ZBTB25: variants seen among roughly 807,000 people sequenced by gnomAD.
ZBTB25 encodes zinc finger and BTB domain containing 25.
ZBTB25 carries 20 observed loss-of-function variants against 34.2 expected under a neutral mutation model. That is an observed-to-expected ratio of 0.58 (90% CI 0.41 to 0.85). ZBTB25 has a LOEUF of 0.85. ZBTB25 is among the 40% of genes least tolerant of loss of function. The pLI is 0.00. For synonymous variants in ZBTB25, 175 were observed against 186.4 expected, an observed-to-expected ratio of 0.94 and a Z score of 0.50; for missense variants, 437 against 521.8, an observed-to-expected ratio of 0.84 and a Z score of 1.58.
In ZBTB25 at chr14:64,486,171, G is replaced by T; in HGVS notation, c.*752C>A. 4.5e-6 allele frequency: 3 copies of T among 670,588 alleles called. No individual in the cohort carries two copies. Among genetic ancestry groups the T allele is most frequent in the Non-Finnish European group, 3.7e-6 (2 of 543,188 alleles). 41.5% of individuals were successfully genotyped at this position (670,588 alleles called of 1,614,324 possible). On this transcript the variant is annotated 3_prime_UTR_variant, in exon 3 of 3. Coordinates refer to ENST00000608382, the MANE Select transcript of ZBTB25 (RefSeq NM_006977.5). ...AAAAAAATTAGCTGGGCGTGGTGGC[G>T]GGCGCCTGTAGTCCCAGCTGCTCAG...
At chr14:64,499,003 G>T (rs929367496) in intron 1 of ZBTB25, among the ~76,000 whole-genome samples, 1 of 152,136 alleles carries the variant, frequency 6.6e-6, no homozygotes, top group Non-Finnish European at 1.5e-5. Flanking sequence ...CACTGCCTCA[G>T]AAGAACACGG....
At chr14:64,497,269 C>G (rs2079310987) in intron 1 of ZBTB25, among the ~76,000 whole-genome samples, 1 of 152,104 alleles carries the variant, frequency 6.6e-6, no homozygotes, top group African/African-American at 2.4e-5. Context: ...AAATCAATAG[C>G]CCCATTCCAT....
intron 1 of ZBTB25, among the ~76,000 whole-genome samples, chr14:64,495,930 G>A (rs560161150): frequency 2.0e-5 from 3 of 151,526 alleles, no homozygotes; most frequent in African/African-American, 7.3e-5. Context: ...ACTCCAACCT[G>A]GGCAACAAGA....
chr14:64,450,156 G>C (rs1281457136), intron 2 of ZBTB25, among the ~76,000 whole-genome samples: 1 of 152,238 alleles, frequency 6.6e-6, no homozygotes, highest in Non-Finnish European at 1.5e-5. Context: ...GAATACCCCA[G>C]GGTGGAGGGG....
rs773742158 is a variant in ZBTB25 at position 64,485,948 on chromosome 14, G to A, written c.*975C>T. 4 of 984,708 alleles carry A rather than the reference G, an allele frequency of 4.1e-6. No homozygotes were observed. The highest frequency in any genetic ancestry group is 6.2e-5 in the Admixed American group (1 of 16,258). 61.0% of individuals were successfully genotyped at this position (984,708 alleles called of 1,614,324 possible). A position where few individuals can be genotyped will look rare whatever the true frequency, so the allele number is the denominator to read the frequency against. On this transcript the variant is annotated 3_prime_UTR_variant, in exon 3 of 3. Transcript: ENST00000608382. Reference sequence around the variant, plus strand: ...TCTGCATGCTTATTTATCTATGTGTGTATATCTTACTGTTTCTTAAATATT... The same window carrying A: ...TCTGCATGCTTATTTATCTATGTGTATATATCTTACTGTTTCTTAAATATT...
intron 2 of ZBTB25, chr14:64,458,397 C>T: frequency 1.1e-6 from 1 of 881,774 alleles, no homozygotes. Context: ...TAAAAATTCA[C>T]ATTCTAATGC....
chr14:64,496,155 TA>T (rs1374963150), intron 1 of ZBTB25, among the ~76,000 whole-genome samples: 2 of 152,086 alleles, frequency 1.3e-5, no homozygotes, highest in African/African-American at 4.8e-5. Flanking sequence ...TCAGCAGTTC[TA>T]AAAAGCTGTG....
rs112758987 is a variant in ZBTB25, at chr14:64,498,881, G to A, written c.-8+4780C>T. On this transcript the variant is annotated intron_variant, in intron 1 of 2. Transcript: ENST00000608382. ...GATTTCCTGACCTCATGATCCACCC[G>A]CCTCGGCCTCCCAAAGTGCTGTGAT... 1.5e-4 allele frequency among the ~76,000 whole-genome samples: 23 copies of A among 152,054 alleles called. 1 individual carries two copies. The highest frequency in any genetic ancestry group is 4.8e-4 in the African/African-American group (20 of 41,482).
At chr14:64,463,627 C>CAAAA (rs199975542) in intron 2 of ZBTB25, among the ~76,000 whole-genome samples, 1 of 123,468 alleles carries the variant, frequency 8.1e-6, no homozygotes, top group Non-Finnish European at 1.7e-5. Flanking sequence ...GCCATCTCTA[C>CAAAA]AAAAAAAAAA....
Position 64,479,899 on chromosome 14 carries a change from T to TTC in ZBTB25, c.*7022_*7023dup, listed in dbSNP as rs908637442. On this transcript the variant is annotated 3_prime_UTR_variant, in exon 3 of 3. Transcript: ENST00000608382. Reference sequence around the variant, plus strand: ...TATTCCTTATAATCAATCAATCTCTTTCTCTCTCTCAGTTCTACCTGTTGT... The same window carrying TTC: ...TATTCCTTATAATCAATCAATCTCTTTCTCTCTCTCTCAGTTCTACCTGTTGT... The TTC allele has an allele frequency of 5.9e-5, 9 of 152,598 alleles. No homozygotes were observed. The highest frequency in any genetic ancestry group is 1.9e-4 in the African/African-American group (8 of 41,576). 9.5% of individuals were successfully genotyped at this position (152,598 alleles called of 1,614,324 possible). A position where few individuals can be genotyped will look rare whatever the true frequency, so the allele number is the denominator to read the frequency against.
chr14:64,463,884 C>T (rs2078582883), intron 2 of ZBTB25, among the ~76,000 whole-genome samples: 2 of 152,134 alleles, frequency 1.3e-5, no homozygotes, highest in Admixed American at 1.3e-4. Flanking sequence ...AACCTTGGAT[C>T]TCAATAAGGA....
At chr14:64,489,401 A>T (rs1322627646) in intron 2 of ZBTB25, among the ~76,000 whole-genome samples, 1 of 152,236 alleles carries the variant, frequency 6.6e-6, no homozygotes, top group Non-Finnish European at 1.5e-5. Context: ...ATAATCCTGC[A>T]TGGGCATGTT....
intron 1 of ZBTB25, among the ~76,000 whole-genome samples, chr14:64,500,236 C>T (rs1468194508): frequency 6.6e-6 from 1 of 151,960 alleles, no homozygotes; most frequent in Non-Finnish European, 1.5e-5. Flanking sequence ...GTAACTAAAA[C>T]TTCTGGATAC....
chr14:64,482,629 T>C lies in ZBTB25; in HGVS notation c.*4294A>G, dbSNP rs1311333603. 1 of 152,212 alleles carries C rather than the reference T, an allele frequency of 6.6e-6. No homozygotes were observed. The highest frequency in any genetic ancestry group is 2.4e-5 in the African/African-American group (1 of 41,452). The allele number at this position is 152,212 out of a possible 1,614,324, so 9.4% of individuals were successfully genotyped here. ...GAAGGCTAAAAAGAAACAGTGATGA[T>C]TAAATTACAGTAGAACAGGAATTCT... On this transcript the variant is annotated 3_prime_UTR_variant, in exon 3 of 3. Coordinates refer to ENST00000608382, the MANE Select transcript of ZBTB25 (RefSeq NM_006977.5).
chr14:64,498,290 G>T (rs2079349724), intron 1 of ZBTB25, among the ~76,000 whole-genome samples: 1 of 152,052 alleles, frequency 6.6e-6, no homozygotes, highest in Non-Finnish European at 1.5e-5. Flanking sequence ...TGAATTGCTA[G>T]GGGTGAGGCA....
At chr14:64,458,446 G>A (rs2078509872) in intron 2 of ZBTB25, 3 of 724,882 alleles carry the variant, frequency 4.1e-6, no homozygotes, top group Admixed American at 2.0e-5. Context: ...TGAGGGGAGA[G>A]GGGATAGTAA....
chr14:64,487,749 A>T lies in ZBTB25; in HGVS notation c.482T>A (p.Val161Asp). 6.2e-7 allele frequency: 1 copy of T among 1,614,166 alleles called. No homozygotes were observed. Among genetic ancestry groups the T allele is most frequent in the Non-Finnish European group, 8.5e-7 (1 of 1,180,036 alleles). ...CTGCAACTGGGGGTGGTCACCCTGG[A>T]CAGCAGCTCTGTTTCCACTGTTACT... ...PSSNSGNRAA[V>D]QGDHPQLQLS... Residue 161 changes from valine to aspartate, a missense_variant, in exon 3 of 3, where the codon GTC (valine) becomes GAC (aspartate). By Grantham distance (152) the Val-to-Asp change is radical. Coordinates refer to ENST00000608382, the MANE Select transcript of ZBTB25 (RefSeq NM_006977.5).
At chr14:64,464,356 A>G (rs535287153) in intron 2 of ZBTB25, among the ~76,000 whole-genome samples, 1 of 152,220 alleles carries the variant, frequency 6.6e-6, no homozygotes, top group South Asian at 2.1e-4. Flanking sequence ...CAACTAAACT[A>G]GATGCTTATG....
At chr14:64,468,243 A>G (rs2078631463) in intron 2 of ZBTB25, 1 of 619,846 alleles carries the variant, frequency 1.6e-6, no homozygotes. Context: ...TAGAGAAACC[A>G]CCTAAAACAA....
Sources: gnomAD v4.1 joint callset for allele counts (sites outside exome capture counted in the v4.1 genomes callset) on GRCh38, gnomAD v4.1.1 for gene constraint, MANE v1.5 for transcripts, NCBI Gene and HGNC (gene_info 2026-07-23, HGNC 2026-07-21) for gene names.